RHPN2: variants seen among roughly 807,000 people sequenced by gnomAD.
The protein encoded by RHPN2 is rhophilin-2.
A neutral mutation model predicts 79.0 loss-of-function variants in RHPN2; 40 were observed. The ratio of observed to expected loss-of-function variants is 0.51; its 90% CI spans 0.39 to 0.66. The LOEUF is 0.66. Among genes scored for constraint, RHPN2 ranks in the 30% least tolerant of loss-of-function variants. The pLI is 0.00. For missense variants in RHPN2, 686 were observed against 883.5 expected (o/e 0.78, Z 2.83); for synonymous variants, 285 against 363.5 (o/e 0.78, Z 2.46).
chr19:32,996,293 CA>C (rs1309493916), intron 10 of RHPN2, 73 bp from the exon 11 acceptor site: 1 of 1,516,540 alleles, frequency 6.6e-7, no homozygotes, highest in Non-Finnish European at 9.1e-7. Context: ...AGGGGCAGCC[CA>C]AGAGGTTGGA....
At chr19:33,062,022 T>G (rs1972284261) in intron 1 of RHPN2, among the ~76,000 whole-genome samples, 1 of 152,110 alleles carries the variant, frequency 6.6e-6, no homozygotes, top group East Asian at 1.9e-4. Flanking sequence ...AGATTCAGCA[T>G]CAACACCTTT....
chr19:33,057,263 AG>A (rs1321993892), intron 1 of RHPN2, among the ~76,000 whole-genome samples: 1 of 151,206 alleles, frequency 6.6e-6, no homozygotes, highest in African/African-American at 2.4e-5. Flanking sequence ...GGATCACTGG[AG>A]CCAGGGAGGT....
intron 4 of RHPN2, 112 bp downstream of exon 4, chr19:33,021,459 C>T (rs1191663817): frequency 2.2e-5 from 19 of 845,622 alleles, no homozygotes; most frequent in Non-Finnish European, 3.2e-5. Flanking sequence ...TGGGCTCAAG[C>T]GATCCTCTTG....
At chr19:33,005,956 C>T (rs753854346) in intron 7 of RHPN2, among the ~76,000 whole-genome samples, 8 of 152,002 alleles carry the variant, frequency 5.3e-5, no homozygotes, top group Non-Finnish European at 1.0e-4. Flanking sequence ...TGCAATGGCG[C>T]GATCTTGGCT....
intron 7 of RHPN2, among the ~76,000 whole-genome samples, chr19:33,004,300 A>G (rs1971773703): frequency 6.6e-6 from 1 of 152,092 alleles, no homozygotes; most frequent in South Asian, 2.1e-4. Context: ...TCAGCCTCCC[A>G]AAGTGCTGAG....
intron 1 of RHPN2, among the ~76,000 whole-genome samples, chr19:33,063,446 C>G (rs1020234822): frequency 8.5e-5 from 13 of 152,242 alleles, no homozygotes; most frequent in African/African-American, 3.1e-4. Flanking sequence ...AGGCTTTGAA[C>G]AATTAAGAAT....
At chr19:33,038,927 T>G (rs1972079206) in intron 2 of RHPN2, among the ~76,000 whole-genome samples, 1 of 152,030 alleles carries the variant, frequency 6.6e-6, no homozygotes, top group Non-Finnish European at 1.5e-5. Context: ...CAAAGTGCTG[T>G]GATTACAGAC....
intron 4 of RHPN2, among the ~76,000 whole-genome samples, chr19:33,020,494 A>ATTT (rs35117323): frequency 2.3e-5 from 3 of 131,392 alleles, no homozygotes; most frequent in Non-Finnish European, 4.8e-5. Flanking sequence ...TGCCCAGCTA[A>ATTT]TTTTTTTTTT....
chr19:33,030,252 C>T (rs1310092215), intron 2 of RHPN2, among the ~76,000 whole-genome samples: 3 of 152,110 alleles, frequency 2.0e-5, no homozygotes, highest in East Asian at 3.9e-4. Flanking sequence ...TGATGAATTT[C>T]ATCAATTTAG....
intron 1 of RHPN2, among the ~76,000 whole-genome samples, chr19:33,045,157 T>G (rs1972132441): frequency 6.6e-6 from 1 of 150,708 alleles, no homozygotes; most frequent in Non-Finnish European, 1.5e-5. Context: ...GTTCAAGTGA[T>G]TCTCATGCCT....
chr19:33,021,735 G>T, intron 3 of RHPN2, 89 bp from the exon 4 acceptor site: 1 of 931,988 alleles, frequency 1.1e-6, no homozygotes, highest in Non-Finnish European at 1.8e-6. Flanking sequence ...CCAAGCTCAG[G>T]TGTGTGCCCC....
intron 3 of RHPN2, among the ~76,000 whole-genome samples, chr19:33,023,111 T>C (rs1971937495): frequency 1.3e-5 from 2 of 152,180 alleles, no homozygotes; most frequent in East Asian, 1.9e-4. Flanking sequence ...AGATCAACCA[T>C]GCTAAGAAAG....
At chr19:32,988,768 C>T (rs571165667) in intron 14 of RHPN2, among the ~76,000 whole-genome samples, 66 of 152,330 alleles carry the variant, frequency 4.3e-4, no homozygotes, top group Admixed American at 1.0e-3. Flanking sequence ...TGGTCACTCT[C>T]ATGTCTGGTC....
chr19:32,983,055 T>TACACACACACACACACACACAC lies in RHPN2; in HGVS notation c.1801-2821_1801-2800dup, dbSNP rs57230466. Among the ~76,000 whole-genome samples the TACACACACACACACACACACAC allele has an allele frequency of 2.5e-3, 255 of 103,380 alleles. 10 individuals carry two copies. The highest frequency in any genetic ancestry group is 3.0e-3 in the Non-Finnish European group (157 of 51,578). The allele number at this position is 103,380 out of a possible 152,430, so 67.8% of individuals were successfully genotyped here. ...CAGGCACCCTTGCCTCCCAGATCTC[T>TACACACACACACACACACACAC]ACACACACACACACACACACACACA... On this transcript the variant is annotated intron_variant, in intron 14 of 14. Coordinates refer to ENST00000254260, the MANE Select transcript of RHPN2 (RefSeq NM_033103.5).
chr19:33,001,383 A>T (rs901480218), intron 9 of RHPN2, among the ~76,000 whole-genome samples: 53 of 151,850 alleles, frequency 3.5e-4, no homozygotes, highest in South Asian at 4.2e-4. Context: ...TAAAAAAAAA[A>T]TTTTTTTTAA....
At chr19:32,999,938 T>C (rs1167013427) in intron 9 of RHPN2, among the ~76,000 whole-genome samples, 1 of 152,100 alleles carries the variant, frequency 6.6e-6, no homozygotes, top group African/African-American at 2.4e-5. Context: ...GGCACAATCA[T>C]AGTTCACTGC....
chr19:32,995,961 G>T (rs2146005201), intron 11 of RHPN2, 65 bp downstream of exon 11: 2 of 1,528,984 alleles, frequency 1.3e-6, no homozygotes, highest in East Asian at 4.5e-5. Flanking sequence ...AACCCCCACA[G>T]GCCAGGCGTA....
chr19:33,012,592 T>G, intron 5 of RHPN2, 55 bp downstream of exon 5: 2 of 1,080,554 alleles, frequency 1.9e-6, no homozygotes, highest in East Asian at 4.7e-5. Context: ...ATAATGGGGT[T>G]CCCTGAAGAC....
In RHPN2 at chr19:32,996,097, G is replaced by A; in HGVS notation, c.1349C>T (p.Ser450Phe). The change falls in exon 11 of 15, where the codon TCC becomes TTC. Residue 450 changes from serine (S) to phenylalanine (F), a missense_variant. By Grantham distance (155) the Ser-to-Phe change is radical. Coordinates refer to ENST00000254260, the MANE Select transcript of RHPN2 (RefSeq NM_033103.5). ...CTGGTGCTGGGCGTACGTGAGCCGG[G>A]AGCGTTCCTGTGCGGCACACAGCAC... The part of the protein sequence containing the change: ...QKVLCAAQER[S>F]RLTYAQHQEE... The A allele has an allele frequency of 1.9e-6, 3 of 1,614,036 alleles. No individual in the cohort carries two copies. The highest frequency in any genetic ancestry group is 2.5e-6 in the Non-Finnish European group (3 of 1,179,894).
Sources: allele counts gnomAD v4.1 joint callset (sites outside exome capture counted in the v4.1 genomes callset), GRCh38; gene constraint gnomAD v4.1.1; transcripts MANE v1.5; gene names NCBI Gene and HGNC (gene_info 2026-07-23, HGNC 2026-07-21).